Variants in DIP2A observed in about 807,000 individuals in gnomAD.
DIP2A encodes disco-interacting protein 2 homolog A.
Under a neutral mutation model 177.4 loss-of-function variants are expected in DIP2A, and 85 were observed. That is an observed-to-expected ratio of 0.48 (90% CI 0.40 to 0.57). The LOEUF is 0.57. Ranked by LOEUF, DIP2A falls within the 20% of genes least tolerant of loss-of-function variation. The pLI is 0.00. For missense variants in DIP2A, 1,791 were observed against 2,100.2 expected, an observed-to-expected ratio of 0.85 and a Z score of 2.88; for synonymous variants, 886 against 881.8, an observed-to-expected ratio of 1.00 and a Z score of -0.08.
chr21:46,500,588 G>A (rs2057596527), intron 5 of DIP2A, among the ~76,000 whole-genome samples: 1 of 152,222 alleles, frequency 6.6e-6, no homozygotes, highest in Non-Finnish European at 1.5e-5. Context: ...GTGAGATGGT[G>A]CAGGAGAGCA....
rs76555604 is a variant in DIP2A at position 46,464,909 on chromosome 21, T to G, written c.91+5687T>G. On this transcript the variant is annotated intron_variant, in intron 1 of 37. Coordinates refer to ENST00000417564, the MANE Select transcript of DIP2A (RefSeq NM_015151.4). The stretch of plus-strand genomic sequence containing the variant: ...AAGTTCTCCTGGAACAGCATGTAGA[T>G]TATTTTCTAGAGCACTTTAGTTAAA... Among the ~76,000 whole-genome samples the G allele has an allele frequency of 1.9e-3, 279 of 147,128 alleles. 3 individuals are homozygous for G. Among genetic ancestry groups the G allele is most frequent in the East Asian group, 9.7e-3 (48 of 4,964 alleles).
chr21:46,469,703 C>T (rs2055180599), intron 1 of DIP2A, among the ~76,000 whole-genome samples: 1 of 152,206 alleles, frequency 6.6e-6, no homozygotes, highest in Admixed American at 6.5e-5. Flanking sequence ...TCCTCATTGG[C>T]CTGGCCGGAA....
At chr21:46,460,554 C>T (rs1435746778) in intron 1 of DIP2A, among the ~76,000 whole-genome samples, 3 of 152,224 alleles carry the variant, frequency 2.0e-5, no homozygotes, top group Non-Finnish European at 2.9e-5. Context: ...ATAATATGCA[C>T]TAGCATACAG....
Position 46,566,582 on chromosome 21 carries a change from G to A in DIP2A, c.4362G>A (p.Val1454=). 1 of 1,614,124 alleles carries A rather than the reference G, an allele frequency of 6.2e-7. No homozygotes were observed. Among genetic ancestry groups the A allele is most frequent in the Non-Finnish European group, 8.5e-7 (1 of 1,179,974 alleles). ...ASGGRHDALY[V]VGSLDETLEL... is the part of the protein sequence containing the mutation. ...CAGGGCGGCACGATGCACTGTATGTGGTTGGGTCTCTGGATGAAACTCTGG... is the reference window on the plus strand; with the variant it reads ...CAGGGCGGCACGATGCACTGTATGTAGTTGGGTCTCTGGATGAAACTCTGG... The change falls in exon 37 of 38, where the codon GTG becomes GTA. Residue 1454 remains valine, a synonymous_variant. Transcript: ENST00000417564.
At chr21:46,505,065 T>C (rs951283011) in intron 6 of DIP2A, among the ~76,000 whole-genome samples, 2 of 152,166 alleles carry the variant, frequency 1.3e-5, no homozygotes, top group Non-Finnish European at 2.9e-5. Flanking sequence ...AAAATAATAA[T>C]TTAAATAAAA....
intron 1 of DIP2A, among the ~76,000 whole-genome samples, chr21:46,459,604 C>T (rs1301050723): frequency 6.7e-6 from 1 of 149,182 alleles, no homozygotes; most frequent in Non-Finnish European, 1.5e-5. Flanking sequence ...CGCCCTTCAC[C>T]CTGGGAGCCC....
intron 3 of DIP2A, among the ~76,000 whole-genome samples, chr21:46,494,035 G>A (rs748028926): frequency 1.2e-4 from 19 of 152,190 alleles, no homozygotes; most frequent in South Asian, 2.1e-4. Flanking sequence ...TTTTGATGTC[G>A]TAATAGTCTT....
intron 7 of DIP2A, among the ~76,000 whole-genome samples, chr21:46,510,396 A>G (rs1473203918): frequency 1.3e-5 from 2 of 152,020 alleles, no homozygotes; most frequent in East Asian, 3.9e-4. Flanking sequence ...TCACAGACAC[A>G]CCCAGGAAGA....
intron 8 of DIP2A, among the ~76,000 whole-genome samples, chr21:46,528,625 C>G (rs924362024): frequency 3.8e-5 from 5 of 132,776 alleles, no homozygotes; most frequent in African/African-American, 1.4e-4. Flanking sequence ...CTTCCAGGTT[C>G]AAGCAATTCT....
In DIP2A at chr21:46,551,864, C is replaced by T. The variant is rs753321896; in HGVS notation, c.2990C>T (p.Thr997Ile). ...GACGTGCTGCAGTGGCGTGCCCACA[C>T]CACTCCTGACCACCCGCTGTTCTTG... ...LADVLQWRAH[T>I]TPDHPLFLLL... The change falls in exon 25 of 38, where the codon ACC becomes ATC. Residue 997 changes from threonine to isoleucine, a missense_variant. Transcript: ENST00000417564. 1.2e-6 allele frequency: 2 copies of T among 1,610,918 alleles called. No individual in the cohort carries two copies. Among genetic ancestry groups the T allele is most frequent in the Admixed American group, 1.7e-5 (1 of 59,654 alleles).
intron 23 of DIP2A, 96 bp from the exon 24 acceptor site, chr21:46,551,538 C>A: frequency 1.8e-6 from 2 of 1,085,822 alleles, no homozygotes; most frequent in Non-Finnish European, 2.7e-6. Context: ...ATGCCTCATT[C>A]AAGTATGTTT....
In DIP2A at chr21:46,490,567, C is replaced by T. The variant is rs1241354045; in HGVS notation, c.164-33C>T. 6.5e-6 allele frequency: 10 copies of T among 1,527,370 alleles called. No homozygotes were observed. In the African/African-American group the frequency reaches 1.4e-4, roughly 21 times the overall value. The allele number at this position is 1,527,370 out of a possible 1,614,324, so 94.6% of individuals were successfully genotyped here. ...TTCATAATTGGAAAAGCAAATTGTT[C>T]ACATAAGGTATTCCCATAAAATTGT... is the stretch of plus-strand genomic sequence containing the variant. On this transcript the variant is annotated intron_variant, in intron 2 of 37. Transcript: ENST00000417564.
At chr21:46,533,708 G>A (rs2059442912) in intron 11 of DIP2A, 61 bp downstream of exon 11, 5 of 1,601,296 alleles carry the variant, frequency 3.1e-6, no homozygotes, top group South Asian at 1.1e-5. Flanking sequence ...TAAATGCATG[G>A]TGTTCCAGAA....
rs183445626 is a variant in DIP2A, at chr21:46,508,536, T to A, written c.785-721T>A. ...ACCACACCCGGCTAATTTTTTGTAT[T>A]TTTAGTAAAGATGGGGTTTCACTGT... is the stretch of plus-strand genomic sequence containing the variant. On this transcript the variant is annotated intron_variant, in intron 6 of 37. Coordinates refer to ENST00000417564, the MANE Select transcript of DIP2A (RefSeq NM_015151.4). 1.8e-3 allele frequency among the ~76,000 whole-genome samples: 279 copies of A among 151,054 alleles called. 2 individuals are homozygous for A. Among genetic ancestry groups the A allele is most frequent in the Non-Finnish European group, 2.8e-3 (190 of 67,720 alleles).
chr21:46,580,665 C>A, the DIP2A span, among the ~76,000 whole-genome samples: 5 of 152,300 alleles, frequency 3.3e-5, no homozygotes, highest in South Asian at 1.0e-3. Context: ...TCAGCATTTG[C>A]TTGTCTGAAA....
chr21:46,572,859 T>G (rs1370383884), downstream of DIP2A, among the ~76,000 whole-genome samples: 1 of 152,224 alleles, frequency 6.6e-6, no homozygotes, highest in Non-Finnish European at 1.5e-5. Context: ...TTTCTAAATT[T>G]GGACATGTGT....
rs1233044808 is a variant in DIP2A at position 46,459,183 on chromosome 21, C to T, written c.52C>T (p.Arg18Trp). The stretch of plus-strand genomic sequence containing the variant: ...GGCGGCGCCGCTGCCTGCCGAGGTG[C>T]GGGAGAGCCTGGCTGAGCTGGAGCT... ...LEAAPLPAEV[R>W]ESLAELELEL... Residue 18 changes from arginine (R) to tryptophan (W), a missense_variant, in exon 1 of 38, where the codon CGG (arginine) becomes TGG (tryptophan). By Grantham distance (101) the Arg-to-Trp change is moderately radical (BLOSUM62 -3). Coordinates refer to ENST00000417564, the MANE Select transcript of DIP2A (RefSeq NM_015151.4). 6.6e-7 allele frequency: 1 copy of T among 1,524,854 alleles called. No homozygotes were observed. The allele number at this position is 1,524,854 out of a possible 1,614,324, so 94.5% of individuals were successfully genotyped here. A position where few individuals can be genotyped will look rare whatever the true frequency, so the allele number is the denominator to read the frequency against.
chr21:46,542,746 T>G (rs919878226), intron 18 of DIP2A, among the ~76,000 whole-genome samples: 15 of 152,214 alleles, frequency 9.9e-5, no homozygotes, highest in African/African-American at 2.9e-4. Context: ...CAGGGCCCCT[T>G]TTGGTGACTT....
At chr21:46,485,388 T>C (rs2056617128) in intron 2 of DIP2A, among the ~76,000 whole-genome samples, 1 of 152,218 alleles carries the variant, frequency 6.6e-6, no homozygotes, top group Non-Finnish European at 1.5e-5. Context: ...AAAGCCGTTG[T>C]CACTAAGACA....
Sources: allele counts gnomAD v4.1 joint callset (sites outside exome capture counted in the v4.1 genomes callset), GRCh38; gene constraint gnomAD v4.1.1; transcripts MANE v1.5; gene names NCBI Gene and HGNC (gene_info 2026-07-23, HGNC 2026-07-21).